The following ANXA8 variants were observed in gnomAD, a reference collection of about 807,000 sequenced individuals.
The protein encoded by ANXA8 is VAC-beta.
A neutral mutation model predicts 26.8 loss-of-function variants in ANXA8; 9 were observed. The observed-to-expected ratio is 0.34, with a 90% confidence interval of 0.20 to 0.59. ANXA8 has a LOEUF of 0.59. ANXA8 is among the 20% of genes least tolerant of loss of function. ANXA8 has a pLI of 0.84. For missense variants in ANXA8, 83 were observed against 238.5 expected (o/e 0.35, Z 4.29); for synonymous variants, 39 against 94.8 (o/e 0.41, Z 3.42).
At chr10:47,554,936 A>G in the ANXA8 span, among the ~76,000 whole-genome samples, 1 of 151,478 alleles carries the variant, frequency 6.6e-6, no homozygotes, top group Admixed American at 6.6e-5. Context: ...GGTCTCATGA[A>G]GCCCATTCTT....
chr10:47,986,916 G>C, the ANXA8 span: 2 of 491,474 alleles, frequency 4.1e-6, no homozygotes, highest in Admixed American at 2.3e-5. Flanking sequence ...TCTGGGGCAA[G>C]GGCCGCTTTT....
At chr10:47,735,397 T>A in the ANXA8 span, among the ~76,000 whole-genome samples, 1 of 147,566 alleles carries the variant, frequency 6.8e-6, no homozygotes, top group Non-Finnish European at 1.5e-5. Flanking sequence ...ACCAGGCCGT[T>A]TCTTTTTTTT....
the ANXA8 span, among the ~76,000 whole-genome samples, chr10:47,492,139 C>T: frequency 1.3e-5 from 2 of 151,122 alleles, no homozygotes; most frequent in African/African-American, 2.4e-5. Context: ...GAGACCTGGG[C>T]AGTCCTTTGA....
the ANXA8 span, among the ~76,000 whole-genome samples, chr10:47,513,607 G>T: frequency 7.1e-6 from 1 of 140,060 alleles, no homozygotes; most frequent in Non-Finnish European, 1.5e-5. Context: ...CAACAAATCT[G>T]GAGGCATGAC....
chr10:47,891,591 T>TA, the ANXA8 span, among the ~76,000 whole-genome samples: 2 of 1,146 alleles, frequency 1.7e-3, no homozygotes, highest in African/African-American at 3.6e-3. Flanking sequence ...TACAAATAAA[T>TA]AGAAAAAAAA....
chr10:47,743,283 CATATATATAT>C, the ANXA8 span, among the ~76,000 whole-genome samples: 1 of 81,988 alleles, frequency 1.2e-5, no homozygotes, highest in African/African-American at 4.3e-5. Context: ...TATATACACA[CATATATATAT>C]ACACATATAT....
At chr10:47,977,517 G>A in the ANXA8 span, among the ~76,000 whole-genome samples, 48 of 151,060 alleles carry the variant, frequency 3.2e-4, 1 homozygote, top group Non-Finnish European at 1.0e-4. Flanking sequence ...TTTAGAACAC[G>A]TCTTAAAAAC....
the ANXA8 span, among the ~76,000 whole-genome samples, chr10:47,714,374 T>TC: frequency 6.9e-6 from 1 of 144,192 alleles, no homozygotes; most frequent in Non-Finnish European, 1.5e-5. Context: ...ACTAAGGAGA[T>TC]GAGCAGGTGT....
the ANXA8 span, among the ~76,000 whole-genome samples, chr10:47,670,641 G>A: frequency 1.3e-5 from 2 of 151,866 alleles, no homozygotes; most frequent in South Asian, 4.1e-4. Flanking sequence ...TCATGTGCTT[G>A]TTGGCCATTT....
the ANXA8 span, chr10:47,696,286 T>C: frequency 2.2e-5 from 9 of 409,544 alleles, no homozygotes; most frequent in Middle Eastern, 6.7e-4. Context: ...TTTAACCTAT[T>C]TGATCTCTAG....
the ANXA8 span, among the ~76,000 whole-genome samples, chr10:47,600,461 C>A: frequency 6.7e-6 from 1 of 148,326 alleles, no homozygotes; most frequent in African/African-American, 2.6e-5. Flanking sequence ...GACTTGAGAG[C>A]AATCCCTAGA....
chr10:47,627,718 T>G, the ANXA8 span, among the ~76,000 whole-genome samples: 2 of 150,088 alleles, frequency 1.3e-5, no homozygotes, highest in African/African-American at 5.0e-5. Flanking sequence ...GCCAGGGAAA[T>G]TTATAATCAT....
At chr10:47,881,825 T>TGTG in the ANXA8 span, among the ~76,000 whole-genome samples, 1 of 135,520 alleles carries the variant, frequency 7.4e-6, no homozygotes, top group African/African-American at 2.8e-5. Flanking sequence ...ATGTGCATGT[T>TGTG]TGTGTGTGTG....
At chr10:47,656,367 C>G in the ANXA8 span, among the ~76,000 whole-genome samples, 364 of 150,662 alleles carry the variant, frequency 2.4e-3, 8 homozygotes, top group African/African-American at 8.6e-3. Flanking sequence ...CACTGCGCTC[C>G]AACCTGGGCA....
chr10:47,498,528 C>T, the ANXA8 span, among the ~76,000 whole-genome samples: 1,401 of 126,126 alleles, frequency 0.011, 2 homozygotes, highest in African/African-American at 0.026. Context: ...GTGATATTGC[C>T]GGATCATTTG....
chr10:47,483,051 GA>G (rs1839890452), intron 1 of ANXA8, among the ~76,000 whole-genome samples: 1 of 150,900 alleles, frequency 6.6e-6, no homozygotes, highest in Non-Finnish European at 1.5e-5. Context: ...CGGCAGCCGG[GA>G]GATGTCACCT....
the ANXA8 span, among the ~76,000 whole-genome samples, chr10:47,503,707 C>T: frequency 8.2e-6 from 1 of 121,416 alleles, no homozygotes; most frequent in Non-Finnish European, 1.6e-5. Context: ...GGGTGGATCA[C>T]GAGGTCAGGA....
chr10:47,733,223 C>CTT, the ANXA8 span, among the ~76,000 whole-genome samples: 2 of 62,498 alleles, frequency 3.2e-5, no homozygotes, highest in Admixed American at 1.8e-4. Context: ...CTTTCTTTCT[C>CTT]TTTCTTTCTC....
At chr10:47,693,589 C>T in the ANXA8 span, among the ~76,000 whole-genome samples, 2 of 151,902 alleles carry the variant, frequency 1.3e-5, no homozygotes, top group African/African-American at 2.4e-5. Flanking sequence ...CGCGCCCGGC[C>T]GAGTACAATC....
Sources: allele counts gnomAD v4.1 joint callset (sites outside exome capture counted in the v4.1 genomes callset), GRCh38; gene constraint gnomAD v4.1.1; transcripts MANE v1.5; gene names NCBI Gene and HGNC (gene_info 2026-07-23, HGNC 2026-07-21).